The following EYA1 variants were observed in gnomAD, a reference collection of about 807,000 sequenced individuals.
EYA1 encodes the protein protein phosphatase EYA1.
Under a neutral mutation model 82.0 loss-of-function variants are expected in EYA1, and 16 were observed. That is an observed-to-expected ratio of 0.20 (90% CI 0.13 to 0.30). EYA1 has a LOEUF of 0.30. Ranked by LOEUF, EYA1 falls within the 10% of genes least tolerant of loss-of-function variation. EYA1 has a pLI of 1.00. For missense variants in EYA1, 633 were observed against 730.7 expected (o/e 0.87, Z 1.54); for synonymous variants, 261 against 264.4 (o/e 0.99, Z 0.12).
chr8:71,398,109 G>A (rs1034937488), intron 2 of EYA1, among the ~76,000 whole-genome samples: 16 of 152,094 alleles, frequency 1.1e-4, no homozygotes, highest in Non-Finnish European at 1.9e-4. Context: ...CATGTGTCAC[G>A]TAGTTCTTGT....
intron 12 of EYA1, among the ~76,000 whole-genome samples, chr8:71,233,943 C>G (rs1811529516): frequency 1.3e-5 from 2 of 152,186 alleles, no homozygotes; most frequent in South Asian, 2.1e-4. Flanking sequence ...GTGGACAAAT[C>G]CTGATTCCTG....
intron 9 of EYA1, among the ~76,000 whole-genome samples, chr8:71,298,017 A>G (rs140706705): frequency 6.6e-6 from 1 of 152,322 alleles, no homozygotes; most frequent in East Asian, 1.9e-4. Context: ...TTTAAAAGGA[A>G]AAAAACGTGG....
chr8:71,436,883 G>A lies in EYA1; in HGVS notation c.34-80372C>T, dbSNP rs547601892. On this transcript the variant is annotated intron_variant, in intron 2 of 18. Coordinates refer to the EYA1 transcript ENST00000643681. ...TCAAGCACAGTATCTCTCATTAGGG[G>A]GACTTTAAAATGAATCATGTTATTT... Among the ~76,000 whole-genome samples, 6 of 151,944 alleles carry A rather than the reference G, an allele frequency of 3.9e-5. No homozygotes were observed. The East Asian group carries it at 5.8e-4, about 15-fold the overall frequency.
chr8:71,392,708 C>T (rs1829349172), intron 2 of EYA1, among the ~76,000 whole-genome samples: 1 of 152,022 alleles, frequency 6.6e-6, no homozygotes, highest in Admixed American at 6.6e-5. Context: ...CTTTTTTGTT[C>T]ATACTTGCCA....
intron 17 of EYA1, among the ~76,000 whole-genome samples, chr8:71,209,043 G>A (rs1808190236): frequency 6.6e-6 from 1 of 152,194 alleles, no homozygotes; most frequent in East Asian, 1.9e-4. Flanking sequence ...AAACTTTCTG[G>A]TAGATACCAG....
At chr8:71,470,822 C>T (rs1280764726) in intron 2 of EYA1, 12 of 449,264 alleles carry the variant, frequency 2.7e-5, no homozygotes, top group East Asian at 1.4e-4. Context: ...AAAACAGAAC[C>T]GTAGTACTAC....
chr8:71,271,448 T>G (rs566665021), intron 10 of EYA1, among the ~76,000 whole-genome samples: 1 of 152,304 alleles, frequency 6.6e-6, no homozygotes, highest in South Asian at 2.1e-4. Context: ...GACACTTAAT[T>G]AAAATGGCAA....
rs181001113 is a variant in EYA1, at chr8:71,279,157, C to T, written c.827-7260G>A. Among the ~76,000 whole-genome samples, 8 of 152,280 alleles carry T rather than the reference C, an allele frequency of 5.3e-5. No homozygotes were observed. In the East Asian group the frequency reaches 1.4e-3, roughly 26 times the overall value. On this transcript the variant is annotated intron_variant, in intron 9 of 17. Coordinates refer to ENST00000340726, the MANE Select transcript of EYA1 (RefSeq NM_000503.6). Reference sequence around the variant, plus strand: ...AGAAAGATTATCTGAATTTAGTGAACATGAGACAGGCTAATCAATAATTAT... The same window carrying T: ...AGAAAGATTATCTGAATTTAGTGAATATGAGACAGGCTAATCAATAATTAT...
At chr8:71,385,287 C>T (rs1828913678) in intron 2 of EYA1, among the ~76,000 whole-genome samples, 1 of 152,024 alleles carries the variant, frequency 6.6e-6, no homozygotes, top group African/African-American at 2.4e-5. Context: ...TATTCAGCAG[C>T]AGCCAAGCAG....
chr8:71,493,461 A>G (rs528688249), intron 2 of EYA1, among the ~76,000 whole-genome samples: 86 of 152,158 alleles, frequency 5.7e-4, no homozygotes, highest in Non-Finnish European at 9.4e-4. Flanking sequence ...ACAAACAGTA[A>G]AACAGTCCTT....
intron 11 of EYA1, among the ~76,000 whole-genome samples, chr8:71,245,362 G>A (rs889434065): frequency 6.6e-6 from 1 of 151,996 alleles, no homozygotes; most frequent in Non-Finnish European, 1.5e-5. Context: ...GAGTAGCTGG[G>A]ACTACAGGCG....
At chr8:71,323,547 G>A (rs1400802583) in intron 4 of EYA1, among the ~76,000 whole-genome samples, 1 of 152,120 alleles carries the variant, frequency 6.6e-6, no homozygotes, top group Non-Finnish European at 1.5e-5. Context: ...AACAAACAAG[G>A]CCTGTCCAGG....
chr8:71,386,775 C>T (rs1272532372), intron 2 of EYA1, among the ~76,000 whole-genome samples: 1 of 152,130 alleles, frequency 6.6e-6, no homozygotes, highest in Non-Finnish European at 1.5e-5. Context: ...TTGCTCATGC[C>T]TATATAAGTG....
At chr8:71,222,437 T>C (rs1251376290) in intron 12 of EYA1, among the ~76,000 whole-genome samples, 1 of 152,234 alleles carries the variant, frequency 6.6e-6, no homozygotes, top group African/African-American at 2.4e-5. Context: ...AGTCAGAGGT[T>C]GGTCTCTCTC....
At chr8:71,537,621 C>T (rs1586908272) in intron 1 of EYA1, among the ~76,000 whole-genome samples, 1 of 152,168 alleles carries the variant, frequency 6.6e-6, no homozygotes, top group East Asian at 1.9e-4. Context: ...TAAGACAAAG[C>T]CCAGTCTCAT....
At chr8:71,290,824 A>G (rs928301538) in intron 9 of EYA1, among the ~76,000 whole-genome samples, 2 of 152,162 alleles carry the variant, frequency 1.3e-5, no homozygotes, top group African/African-American at 4.8e-5. Context: ...AGAAAGAAAG[A>G]AAACAAATGC....
chr8:71,316,531 C>T (rs1272304208), intron 7 of EYA1, among the ~76,000 whole-genome samples: 1 of 151,932 alleles, frequency 6.6e-6, no homozygotes. Context: ...AAATAATGAG[C>T]CCATGCTGTA....
rs377007757 is a variant in EYA1 at position 71,392,798 on chromosome 8, C to CT, written c.34-36288dup. ...AAAAGAGGTTGTCTTAAGTCTATCTCTTTTTTTAAATCATAAGATAATATT... is the reference window on the plus strand; with the variant it reads ...AAAAGAGGTTGTCTTAAGTCTATCTCTTTTTTTTAAATCATAAGATAATATT... On this transcript the variant is annotated intron_variant, in intron 2 of 18. Transcript: ENST00000643681. Among the ~76,000 whole-genome samples, 547 of 152,158 alleles carry CT rather than the reference C, an allele frequency of 3.6e-3. 3 individuals are homozygous for CT. The highest frequency in any genetic ancestry group is 0.012 in the African/African-American group (514 of 41,532).
Position 71,334,079 on chromosome 8 carries a change from C to T in EYA1, c.202+18G>A. The T allele has an allele frequency of 6.3e-7, 1 of 1,592,342 alleles. No individual in the cohort carries two copies. The highest frequency in any genetic ancestry group is 8.6e-7 in the Non-Finnish European group (1 of 1,160,448). On this transcript the variant is annotated intron_variant, in intron 4 of 17. Coordinates refer to ENST00000340726, the MANE Select transcript of EYA1 (RefSeq NM_000503.6). ...AAATGCTTGGTGTTGATGTGAAAAT[C>T]TAATATTTATTCCTTACCTGAACCT...
Sources: allele counts gnomAD v4.1 joint callset (sites outside exome capture counted in the v4.1 genomes callset), GRCh38; gene constraint gnomAD v4.1.1; transcripts MANE v1.5; gene names NCBI Gene and HGNC (gene_info 2026-07-23, HGNC 2026-07-21).